Variants in TENM2 observed in about 807,000 individuals in gnomAD.
TENM2 encodes teneurin-2.
In TENM2, 52 loss-of-function variants were observed where a neutral mutation model predicts 245.2. That is an observed-to-expected ratio of 0.21 (90% CI 0.17 to 0.27). TENM2 has a LOEUF of 0.27. Ranked by LOEUF, TENM2 falls within the 10% of genes least tolerant of loss-of-function variation. The pLI, the probability that TENM2 is intolerant of heterozygous loss-of-function variation, is 1.00. For synonymous variants in TENM2, 1,363 were observed against 1,438.9 expected (o/e 0.95, Z 1.19); for missense variants, 3,046 against 3,666.8 (o/e 0.83, Z 4.37).
the TENM2 span, among the ~76,000 whole-genome samples, chr5:167,148,396 T>G: frequency 6.6e-6 from 1 of 152,234 alleles, no homozygotes; most frequent in South Asian, 2.1e-4. Context: ...AGGTTGACAT[T>G]ACATTTCTTT....
intron 2 of TENM2, among the ~76,000 whole-genome samples, chr5:167,819,773 GA>G (rs1767357630): frequency 6.6e-6 from 1 of 152,174 alleles, no homozygotes; most frequent in African/African-American, 2.4e-5. Flanking sequence ...TTTTGCTGAA[GA>G]GGAGACTTGA....
chr5:167,602,098 A>G (rs1199023469), intron 2 of TENM2, among the ~76,000 whole-genome samples: 1 of 151,696 alleles, frequency 6.6e-6, no homozygotes, highest in South Asian at 2.1e-4. Flanking sequence ...GAATACTGCT[A>G]TGATCATTAA....
At chr5:167,352,132 T>C (rs1758957772) in intron 1 of TENM2, among the ~76,000 whole-genome samples, 1 of 152,178 alleles carries the variant, frequency 6.6e-6, no homozygotes, top group African/African-American at 2.4e-5. Flanking sequence ...TTTAGGCTTT[T>C]CTAGAAACAC....
At chr5:167,383,755 C>T (rs1761248134) in intron 2 of TENM2, among the ~76,000 whole-genome samples, 1 of 149,322 alleles carries the variant, frequency 6.7e-6, no homozygotes, top group East Asian at 2.0e-4. Context: ...AAAAAACTTC[C>T]GTATAAATGT....
At chr5:167,393,788 T>C (rs1313595323) in intron 2 of TENM2, among the ~76,000 whole-genome samples, 2 of 152,164 alleles carry the variant, frequency 1.3e-5, no homozygotes, top group Non-Finnish European at 2.9e-5. Context: ...CAGGAGGCTA[T>C]TGCAGTAACC....
intron 2 of TENM2, among the ~76,000 whole-genome samples, chr5:167,564,154 G>A (rs1773758788): frequency 6.6e-6 from 1 of 152,184 alleles, no homozygotes; most frequent in South Asian, 2.1e-4. Flanking sequence ...AGTCTTAAGT[G>A]CAATGGAAAG....
At chr5:168,021,306 A>G (rs1045231465) in intron 5 of TENM2, among the ~76,000 whole-genome samples, 8 of 152,246 alleles carry the variant, frequency 5.3e-5, no homozygotes, top group Non-Finnish European at 1.5e-5. Flanking sequence ...AATTAAAAAC[A>G]TGTACTGGAT....
At chr5:168,183,754 C>T (rs190178046) in intron 13 of TENM2, among the ~76,000 whole-genome samples, 1 of 151,684 alleles carries the variant, frequency 6.6e-6, no homozygotes, top group Non-Finnish European at 1.5e-5. Flanking sequence ...ACTACCCAGA[C>T]TTTCCTTGGG....
At chr5:167,076,569 C>T in the TENM2 span, among the ~76,000 whole-genome samples, 1 of 152,118 alleles carries the variant, frequency 6.6e-6, no homozygotes, top group African/African-American at 2.4e-5. Context: ...CAGTAGAATA[C>T]AAGCTGACAT....
chr5:167,191,986 C>T, the TENM2 span, among the ~76,000 whole-genome samples: 42 of 152,146 alleles, frequency 2.8e-4, no homozygotes, highest in African/African-American at 9.6e-4. Flanking sequence ...CATGACTTCA[C>T]AGTATTGAAA....
chr5:167,898,658 T>C (rs1327531070), intron 3 of TENM2, among the ~76,000 whole-genome samples: 2 of 152,192 alleles, frequency 1.3e-5, no homozygotes, highest in Non-Finnish European at 2.9e-5. Context: ...CTGCAAGACC[T>C]AAACCAGGCT....
At chr5:167,462,479 G>C (rs1265899603) in intron 2 of TENM2, among the ~76,000 whole-genome samples, 1 of 152,118 alleles carries the variant, frequency 6.6e-6, no homozygotes, top group Non-Finnish European at 1.5e-5. Context: ...GGAAGAATCA[G>C]GTCACACGGA....
At chr5:168,172,881 A>G (rs1290803990) in intron 13 of TENM2, among the ~76,000 whole-genome samples, 7 of 152,100 alleles carry the variant, frequency 4.6e-5, no homozygotes, top group African/African-American at 1.2e-4. Flanking sequence ...TTGACTTTCT[A>G]TCTTCTCAGC....
At chr5:167,385,856 A>ATGTGTG (rs60407919) in intron 2 of TENM2, among the ~76,000 whole-genome samples, 1,472 of 139,112 alleles carry the variant, frequency 0.011, 8 homozygotes, top group Middle Eastern at 0.022. Flanking sequence ...TTATATATAT[A>ATGTGTG]TGTGTGTGTG....
intron 2 of TENM2, among the ~76,000 whole-genome samples, chr5:167,427,522 G>A (rs6893810): frequency 0.23 from 31,658 of 137,224 alleles, 4,217 homozygotes; most frequent in African/African-American, 0.31. Flanking sequence ...AAGGAAGGGA[G>A]GGAGGGAAGG....
At chr5:167,193,557 A>G in the TENM2 span, among the ~76,000 whole-genome samples, 2 of 151,986 alleles carry the variant, frequency 1.3e-5, no homozygotes, top group Admixed American at 6.6e-5. Context: ...TATTTTTTAC[A>G]TAAAAATTCC....
chr5:167,128,201 G>A, the TENM2 span, among the ~76,000 whole-genome samples: 2 of 152,096 alleles, frequency 1.3e-5, no homozygotes. Flanking sequence ...GCTTGGTTCA[G>A]GGCTATCCTT....
At chr5:168,228,771 G>T (rs1203452680) in intron 25 of TENM2, among the ~76,000 whole-genome samples, 2 of 151,894 alleles carry the variant, frequency 1.3e-5, no homozygotes, top group Non-Finnish European at 2.9e-5. Context: ...CCTCAGTGGG[G>T]AGTTTTAGCC....
chr5:168,143,229 G>A (rs1375192315), intron 12 of TENM2, among the ~76,000 whole-genome samples: 1 of 151,024 alleles, frequency 6.6e-6, no homozygotes, highest in East Asian at 2.0e-4. Context: ...CCAACACAGT[G>A]AAAAATTGTT....
Sources: allele counts gnomAD v4.1 joint callset (sites outside exome capture counted in the v4.1 genomes callset), GRCh38; gene constraint gnomAD v4.1.1; transcripts MANE v1.5; gene names NCBI Gene and HGNC (gene_info 2026-07-23, HGNC 2026-07-21).